Variants in ZNF783 observed in about 807,000 individuals in gnomAD.
ZNF783 encodes the protein zinc finger protein 783.
In ZNF783, 25 loss-of-function variants were observed where a neutral mutation model predicts 31.3. That is an observed-to-expected ratio of 0.80 (90% CI 0.58 to 1.11). The LOEUF (loss-of-function observed/expected upper bound fraction) is 1.11. Among genes scored for constraint, ZNF783 ranks in the 50% most tolerant of loss-of-function variants. ZNF783 has a pLI of 0.00. For synonymous variants in ZNF783, 369 were observed against 319.1 expected (o/e 1.16, Z -1.66); for missense variants, 797 against 760.0 (o/e 1.05, Z -0.57).
At position 149,282,122 on chromosome 7, in the gene ZNF783, G is replaced by A. The variant is rs374039845; in HGVS notation, c.1420G>A (p.Ala474Thr). The stretch of plus-strand genomic sequence containing the variant: ...GCCCGCCTGCCCCTACTGCGGCAAG[G>A]CCTTCCGCCGGCCCTCGGACCTCTT... ...GWPACPYCGK[A>T]FRRPSDLFRH... Residue 474 changes from alanine to threonine, a missense_variant, in exon 6 of 6, where the codon GCC becomes ACC. Transcript: ENST00000434415. 2.1e-5 allele frequency: 34 copies of A among 1,598,726 alleles called. No individual in the cohort carries two copies. The highest frequency in any genetic ancestry group is 4.0e-5 in the African/African-American group (3 of 74,906).
chr7:149,278,119 C>G (rs543882098), intron 4 of ZNF783: 1 of 1,180,438 alleles, frequency 8.5e-7, no homozygotes, highest in South Asian at 2.0e-5. Context: ...TTTCTCTTTC[C>G]TGCCTTAAAA....
At chr7:149,267,024 G>T in intron 3 of ZNF783, 73 bp from the exon 4 acceptor site, 1 of 1,611,870 alleles carries the variant, frequency 6.2e-7, no homozygotes, top group African/African-American at 1.3e-5. Context: ...TTGGCTTTTG[G>T]TACTTTGGGC....
At chr7:149,267,372 T>G (rs1175325029) in intron 4 of ZNF783, 150 bp downstream of exon 4, 1 of 1,035,448 alleles carries the variant, frequency 9.7e-7, no homozygotes, top group Non-Finnish European at 1.4e-6. Flanking sequence ...AAGGCCACCC[T>G]GGGCAGGAGT....
chr7:149,280,092 G>T (rs1292655259), intron 5 of ZNF783, among the ~76,000 whole-genome samples: 6 of 100,654 alleles, frequency 6.0e-5, no homozygotes, highest in Admixed American at 1.3e-4. Context: ...CTGGCCGGGC[G>T]GGGGGCTGAC....
Position 149,281,582 on chromosome 7 carries a change from C to T in ZNF783, c.880C>T (p.Arg294Ter). ...TPERLFLGVS[R>*]GQTECRIPRG... ...TGAGCGGCTCTTTCTGGGGGTGTCC[C>T]GAGGCCAGACCGAGTGTAGAATCCC... is the stretch of plus-strand genomic sequence containing the variant. The change falls in exon 6 of 6, where the codon CGA becomes TGA. Residue 294 changes from arginine to a stop codon, truncating the protein, a stop_gained. Coordinates refer to ENST00000434415, the MANE Select transcript of ZNF783 (RefSeq NM_001195220.2). LOFTEE classifies it low-confidence loss of function (END_TRUNC). 6.6e-7 allele frequency: 1 copy of T among 1,523,740 alleles called. No individual in the cohort carries two copies. Among genetic ancestry groups the T allele is most frequent in the Non-Finnish European group, 8.7e-7 (1 of 1,149,780 alleles). 94.4% of individuals were successfully genotyped at this position (1,523,740 alleles called of 1,614,324 possible). A position where few individuals can be genotyped will look rare whatever the true frequency, so the allele number is the denominator to read the frequency against.
intron 4 of ZNF783, 43 bp from the exon 5 acceptor site, chr7:149,278,356 G>A: frequency 1.3e-6 from 2 of 1,596,916 alleles, no homozygotes; most frequent in Non-Finnish European, 1.7e-6. Flanking sequence ...CTGGGCAGGA[G>A]ACCTCCATGT....
In ZNF783 at chr7:149,281,745, C is replaced by A; in HGVS notation, c.1043C>A (p.Ala348Glu). 6.8e-7 allele frequency: 1 copy of A among 1,480,806 alleles called. No homozygotes were observed. The highest frequency in any genetic ancestry group is 8.9e-7 in the Non-Finnish European group (1 of 1,124,556). 91.7% of individuals were successfully genotyped at this position (1,480,806 alleles called of 1,614,324 possible). A position where few individuals can be genotyped will look rare whatever the true frequency, so the allele number is the denominator to read the frequency against. Residue 348 changes from alanine (A) to glutamate (E), a missense_variant, in exon 6 of 6, where the codon GCA becomes GAA. Transcript: ENST00000434415. Reference protein sequence around the residue: ...PRVLSRRRQRAFPCPDCGQSF... With the variant: ...PRVLSRRRQREFPCPDCGQSF... ...GTCCTCTCCCGCAGGCGGCAGCGGG[C>A]ATTCCCCTGCCCCGACTGCGGGCAG...
At chr7:149,281,423 C>T (rs1455789769) in intron 5 of ZNF783, 82 bp from the exon 6 acceptor site, 1 of 1,284,152 alleles carries the variant, frequency 7.8e-7, no homozygotes, top group African/African-American at 1.5e-5. Flanking sequence ...CGGGCTGAGG[C>T]TGGAAGCCAG....
rs1392115474 is a variant in ZNF783, at chr7:149,266,896, G to A, written c.498G>A (p.Glu166=). ...EWGKLEDWQK[E]LYKHVMRGNY... ...GCAAGCTGGAGGACTGGCAGAAGGA[G>A]CTCTACAAGCACGTGATGAGGGGCA... Residue 166 remains glutamate, a synonymous_variant, in exon 3 of 6, where the codon GAG becomes GAA. Transcript: ENST00000434415. 1.9e-6 allele frequency: 3 copies of A among 1,613,976 alleles called. No individual in the cohort carries two copies. The highest frequency in any genetic ancestry group is 2.2e-5 in the East Asian group (1 of 44,864).
Position 149,278,449 on chromosome 7 carries a change from G to A in ZNF783, c.724G>A (p.Glu242Lys), listed in dbSNP as rs748521940. ...CACCAGCCCACTTAGCCCTGCCCAG[G>A]AGGAGCTGAAAGAAGGGCAGGCCCC... ...HLTSPLSPAQ[E>K]ELKEGQAPKQ... The change falls in exon 5 of 6, where the codon GAG (glutamate) becomes AAG (lysine). Residue 242 changes from glutamate to lysine, a missense_variant. Coordinates refer to ENST00000434415, the MANE Select transcript of ZNF783 (RefSeq NM_001195220.2). The A allele has an allele frequency of 1.3e-6, 2 of 1,599,414 alleles. No individual in the cohort carries two copies. Among genetic ancestry groups the A allele is most frequent in the Non-Finnish European group, 1.7e-6 (2 of 1,179,790 alleles).
chr7:149,267,328 TAG>T, intron 4 of ZNF783, 106 bp downstream of exon 4: 2 of 1,446,662 alleles, frequency 1.4e-6, no homozygotes, highest in Non-Finnish European at 1.8e-6. Flanking sequence ...GAAGGGAGCA[TAG>T]ACCATTAACC....
intron 4 of ZNF783, among the ~76,000 whole-genome samples, chr7:149,275,012 A>G (rs946296119): frequency 1.3e-5 from 2 of 152,214 alleles, no homozygotes; most frequent in African/African-American, 4.8e-5. Flanking sequence ...TAACTAATTC[A>G]TTCTTCCAAT....
Position 149,266,409 on chromosome 7 carries a change from C to G in ZNF783, c.99C>G (p.Asn33Lys). 6.2e-7 allele frequency: 1 copy of G among 1,601,250 alleles called. No individual in the cohort carries two copies. The highest frequency in any genetic ancestry group is 8.5e-7 in the Non-Finnish European group (1 of 1,179,752). The change falls in exon 2 of 6, where the codon AAC (asparagine) becomes AAG (lysine). Residue 33 changes from asparagine to lysine, a missense_variant. Asn to Lys is a moderately conservative substitution (Grantham distance 94). Transcript: ENST00000434415. Reference protein sequence around the residue: ...TPLPQPAAEKNSYLYSTEITL... With the variant: ...TPLPQPAAEKKSYLYSTEITL... ...TGCCCCAGCCAGCTGCTGAGAAGAA[C>G]TCGTACCTCTACTCCACGGAAATCA...
intron 5 of ZNF783, among the ~76,000 whole-genome samples, chr7:149,280,006 G>A (rs1273269112): frequency 6.6e-6 from 1 of 152,144 alleles, no homozygotes; most frequent in Admixed American, 6.5e-5. Context: ...ACGAGATGGT[G>A]GCTGGGCAGA....
Position 149,284,033 on chromosome 7 carries a change from TG to T in ZNF783, c.*1691del, listed in dbSNP as rs1384564447. On this transcript the variant is annotated 3_prime_UTR_variant, in exon 6 of 6. Coordinates refer to ENST00000434415, the MANE Select transcript of ZNF783 (RefSeq NM_001195220.2). ...TCTTACCAAAGCATGAGATTCGGAC[TG>T]TAGAAGTTCAGACTGCCTCAGTTCA... The T allele has an allele frequency of 1.3e-5, 2 of 152,192 alleles. No homozygotes were observed. The highest frequency in any genetic ancestry group is 4.8e-5 in the African/African-American group (2 of 41,430). 9.4% of individuals were successfully genotyped at this position (152,192 alleles called of 1,614,324 possible). A position where few individuals can be genotyped will look rare whatever the true frequency, so the allele number is the denominator to read the frequency against.
chr7:149,274,376 T>C (rs6956487), intron 4 of ZNF783, among the ~76,000 whole-genome samples: 6 of 150,436 alleles, frequency 4.0e-5, no homozygotes, highest in Non-Finnish European at 7.4e-5. Context: ...TTTTTTTTTT[T>C]CTTTTTTGAG....
In ZNF783 at chr7:149,282,636, C is replaced by T. The variant is rs991922347; in HGVS notation, c.*293C>T. Reference sequence around the variant, plus strand: ...CAGCCAAGAGGACCAGAGATCATGGCCCTTCCAGTATGGGGGCGATAGAGA... The same window carrying T: ...CAGCCAAGAGGACCAGAGATCATGGTCCTTCCAGTATGGGGGCGATAGAGA... On this transcript the variant is annotated 3_prime_UTR_variant, in exon 6 of 6. Coordinates refer to ENST00000434415, the MANE Select transcript of ZNF783 (RefSeq NM_001195220.2). 2 of 366,630 alleles carry T rather than the reference C, an allele frequency of 5.5e-6. No homozygotes were observed. Among genetic ancestry groups the T allele is most frequent in the Non-Finnish European group, 9.7e-6 (2 of 206,310 alleles). 22.7% of individuals were successfully genotyped at this position (366,630 alleles called of 1,614,324 possible). A position where few individuals can be genotyped will look rare whatever the true frequency, so the allele number is the denominator to read the frequency against.
intron 1 of ZNF783, among the ~76,000 whole-genome samples, chr7:149,264,333 C>T (rs566128906): frequency 4.6e-5 from 7 of 152,226 alleles, no homozygotes; most frequent in East Asian, 3.9e-4. Flanking sequence ...ATCTTAAAAA[C>T]GAGAGAGACT....
At chr7:149,262,542 G>C (rs899075533) in intron 1 of ZNF783, among the ~76,000 whole-genome samples, 185 bp downstream of exon 1, 1 of 152,228 alleles carries the variant, frequency 6.6e-6, no homozygotes, top group Non-Finnish European at 1.5e-5. Context: ...CCAAATGCCA[G>C]GCCCGGCGGG....
Sources: gnomAD v4.1 joint callset for allele counts (sites outside exome capture counted in the v4.1 genomes callset) on GRCh38, gnomAD v4.1.1 for gene constraint, MANE v1.5 for transcripts, NCBI Gene and HGNC (gene_info 2026-07-23, HGNC 2026-07-21) for gene names.